Variants in ATXN1 observed in about 807,000 individuals in gnomAD.
ATXN1 encodes ataxin 1.
A neutral mutation model predicts 56.4 loss-of-function variants in ATXN1; 8 were observed. That is an observed-to-expected ratio of 0.14 (90% CI 0.08 to 0.26). The LOEUF (loss-of-function observed/expected upper bound fraction) is 0.26. Ranked by LOEUF, ATXN1 falls within the 10% of genes least tolerant of loss-of-function variation. The probability of loss-of-function intolerance (pLI) is 1.00; values close to 1 mark genes in which losing one functional copy is unlikely to be tolerated. For synonymous variants in ATXN1, 514 were observed against 494.6 expected, an observed-to-expected ratio of 1.04 and a Z score of -0.52; for missense variants, 987 against 1,106.5, an observed-to-expected ratio of 0.89 and a Z score of 1.53.
At chr6:16,350,147 G>A (rs528985779) in intron 6 of ATXN1, among the ~76,000 whole-genome samples, 1 of 152,252 alleles carries the variant, frequency 6.6e-6, no homozygotes, top group South Asian at 2.1e-4. Flanking sequence ...AAGCGGAAAT[G>A]CAAAAAAAGT....
At chr6:16,619,037 T>A (rs1407813323) in intron 3 of ATXN1, among the ~76,000 whole-genome samples, 1 of 151,680 alleles carries the variant, frequency 6.6e-6, no homozygotes, top group Non-Finnish European at 1.5e-5. Context: ...AAGGAAAATA[T>A]CCACCCTCAC....
chr6:16,647,015 T>G (rs983529864), intron 3 of ATXN1, among the ~76,000 whole-genome samples: 1 of 151,836 alleles, frequency 6.6e-6, no homozygotes, highest in Non-Finnish European at 1.5e-5. Flanking sequence ...GTTTGTTTTG[T>G]TTTTTTTGAG....
chr6:16,519,204 G>A lies in ATXN1; in HGVS notation c.-299+3423C>T, dbSNP rs188465322. Among the ~76,000 whole-genome samples, 37 of 152,136 alleles carry A rather than the reference G, an allele frequency of 2.4e-4. No individual in the cohort carries two copies. The East Asian group carries it at 6.8e-3, about 28-fold the overall frequency. ...TCGTATCCTTGAAGGGCTTAGCCTCGACCTAGAAAACACTCAGGCCCCCAA... is the reference window on the plus strand; with the variant it reads ...TCGTATCCTTGAAGGGCTTAGCCTCAACCTAGAAAACACTCAGGCCCCCAA... On this transcript the variant is annotated intron_variant, in intron 5 of 7. Coordinates refer to ENST00000436367, the MANE Select transcript of ATXN1 (RefSeq NM_001128164.2).
intron 2 of ATXN1, among the ~76,000 whole-genome samples, chr6:16,744,984 AT>A (rs1380672841): frequency 1.3e-5 from 2 of 152,246 alleles, no homozygotes; most frequent in African/African-American, 4.8e-5. Flanking sequence ...ATATACATAG[AT>A]TAGAAAACAT....
intron 2 of ATXN1, among the ~76,000 whole-genome samples, chr6:16,732,834 A>G (rs1313403121): frequency 2.0e-5 from 3 of 152,208 alleles, no homozygotes; most frequent in African/African-American, 7.2e-5. Flanking sequence ...TAGCTTCATT[A>G]CATGTTTTTG....
At chr6:16,346,038 T>G (rs1353991875) in intron 6 of ATXN1, among the ~76,000 whole-genome samples, 2 of 152,166 alleles carry the variant, frequency 1.3e-5, no homozygotes, top group East Asian at 3.9e-4. Context: ...GCAGGAAGTG[T>G]GAGGGCGGTT....
At chr6:16,390,498 A>T (rs995834982) in intron 6 of ATXN1, among the ~76,000 whole-genome samples, 1 of 152,042 alleles carries the variant, frequency 6.6e-6, no homozygotes, top group Non-Finnish European at 1.5e-5. Flanking sequence ...TCTAGTTTAG[A>T]ACTTGGGTTG....
At position 16,415,490 on chromosome 6, in the gene ATXN1, A is replaced by C. The variant is rs570290680; in HGVS notation, c.-161+70482T>G. ...GATGCTCCACCCTCCTTGGCCTCCC[A>C]AAGTGCTGGGATTACAGGCGTGAGC... On this transcript the variant is annotated intron_variant, in intron 6 of 7. Coordinates refer to ENST00000436367, the MANE Select transcript of ATXN1 (RefSeq NM_001128164.2). Among the ~76,000 whole-genome samples the C allele has an allele frequency of 3.3e-5, 5 of 152,364 alleles. No individual in the cohort carries two copies. In the South Asian group the frequency reaches 1.0e-3, roughly 32 times the overall value.
At chr6:16,454,125 C>CAAAAAAAAAAAAAAAAAAA (rs56277549) in intron 6 of ATXN1, among the ~76,000 whole-genome samples, 15 of 76,668 alleles carry the variant, frequency 2.0e-4, no homozygotes, top group East Asian at 5.0e-4. Context: ...GACTCTGTCT[C>CAAAAAAAAAAAAAAAAAAA]AAAAAAAAAA....
In ATXN1 at chr6:16,410,117, C is replaced by T. The variant is rs148970654; in HGVS notation, c.-161+75855G>A. 7.2e-5 allele frequency among the ~76,000 whole-genome samples: 11 copies of T among 152,300 alleles called. No homozygotes were observed. Among genetic ancestry groups the T allele is most frequent in the East Asian group, 1.9e-4 (1 of 5,186 alleles). On this transcript the variant is annotated intron_variant, in intron 6 of 7. Coordinates refer to ENST00000436367, the MANE Select transcript of ATXN1 (RefSeq NM_001128164.2). This position sits in a 1 kb window ranked among gnomAD's most constrained non-coding sequence, Gnocchi z 4.6. ...CAGAGGATGAAGCAGAGGGTGGCAC[C>T]GGAGCCCTACCTGGGTGCTGGCACT...
At chr6:16,568,101 G>A (rs955424707) in intron 4 of ATXN1, among the ~76,000 whole-genome samples, 3 of 152,096 alleles carry the variant, frequency 2.0e-5, no homozygotes, top group South Asian at 2.1e-4. Context: ...TTATTTCTGC[G>A]CCCCCTTCTT....
intron 6 of ATXN1, among the ~76,000 whole-genome samples, chr6:16,396,039 A>T (rs1027411190): frequency 1.2e-4 from 17 of 144,866 alleles, no homozygotes; most frequent in Non-Finnish European, 4.6e-5. Context: ...AAAAAAAAAA[A>T]GCCAATTAAC....
intron 6 of ATXN1, among the ~76,000 whole-genome samples, chr6:16,383,488 AATG>A (rs1257471183): frequency 2.6e-5 from 4 of 152,246 alleles, no homozygotes; most frequent in South Asian, 4.1e-4. Context: ...ATCTATTATT[AATG>A]ATAATACTGG....
At chr6:16,495,870 CAAA>C (rs35083248) in intron 5 of ATXN1, among the ~76,000 whole-genome samples, 3 of 106,832 alleles carry the variant, frequency 2.8e-5, no homozygotes, top group South Asian at 3.7e-4. Flanking sequence ...CTCTCTCTCT[CAAA>C]AAAAAAAAAA....
chr6:16,600,471 T>C (rs1254203356), intron 3 of ATXN1, among the ~76,000 whole-genome samples: 2 of 152,202 alleles, frequency 1.3e-5, no homozygotes, highest in Admixed American at 1.3e-4. Flanking sequence ...CATCTCCTCT[T>C]AAGAGCAGCG....
At chr6:16,462,274 AC>A (rs1282253454) in intron 6 of ATXN1, among the ~76,000 whole-genome samples, 3 of 151,968 alleles carry the variant, frequency 2.0e-5, no homozygotes, top group African/African-American at 4.8e-5. Context: ...AACTTTGGAC[AC>A]CCCCTGAAGA....
intron 6 of ATXN1, among the ~76,000 whole-genome samples, chr6:16,404,146 G>C (rs553821057): frequency 1.8e-4 from 27 of 152,172 alleles, no homozygotes; most frequent in African/African-American, 6.5e-4. Flanking sequence ...GGCAGGAGGT[G>C]GGGGGAGCAA....
intron 3 of ATXN1, among the ~76,000 whole-genome samples, chr6:16,637,792 G>A (rs1470557885): frequency 6.6e-6 from 1 of 152,198 alleles, no homozygotes; most frequent in Non-Finnish European, 1.5e-5. Flanking sequence ...TTGTTGGGGG[G>A]CGATTCCCAG....
At chr6:16,674,863 G>A (rs1332181364) in intron 2 of ATXN1, among the ~76,000 whole-genome samples, 1 of 152,180 alleles carries the variant, frequency 6.6e-6, no homozygotes, top group Non-Finnish European at 1.5e-5. Flanking sequence ...TAGAGAAACA[G>A]ATCATTTCCT....
Sources: gnomAD v4.1 joint callset for allele counts (sites outside exome capture counted in the v4.1 genomes callset) on GRCh38, gnomAD v4.1.1 for gene constraint, Gnocchi (gnomAD v3.1) non-coding constraint, MANE v1.5 for transcripts, NCBI Gene and HGNC (gene_info 2026-07-23, HGNC 2026-07-21) for gene names.